CRY1: variants seen among roughly 807,000 people sequenced by gnomAD.
CRY1 encodes the protein cryptochrome circadian regulator 1, also known as cryptochrome-1.
In CRY1, 45 loss-of-function variants were observed where a neutral mutation model predicts 76.0. The observed-to-expected ratio is 0.59, with a 90% CI of 0.47 to 0.76. The LOEUF (loss-of-function observed/expected upper bound fraction) is 0.76, where lower values mean the gene tolerates loss of function less well. Among genes scored for constraint, CRY1 ranks in the 30% least tolerant of loss-of-function variants. CRY1 has a pLI of 0.00. For synonymous variants in CRY1, 248 were observed against 244.0 expected, an observed-to-expected ratio of 1.02 and a Z score of -0.15; for missense variants, 587 against 716.4, an observed-to-expected ratio of 0.82 and a Z score of 2.06.
Position 107,001,644 on chromosome 12 carries a change from T to C in CRY1, c.595+120A>G, listed in dbSNP as rs1236974062. The stretch of plus-strand genomic sequence containing the variant: ...TAAAGGGTTCTTTTTCTTCTCCCCC[T>C]GCCCTTTCTTTCTCTCCTAATGCAA... On this transcript the variant is annotated intron_variant, in intron 4 of 12. Transcript: ENST00000008527. 3.3e-5 allele frequency: 29 copies of C among 870,626 alleles called. No individual in the cohort carries two copies. In the East Asian group the frequency reaches 7.4e-4, roughly 22 times the overall value. The allele number at this position is 870,626 out of a possible 1,614,324, so 53.9% of individuals were successfully genotyped here.
intron 1 of CRY1, among the ~76,000 whole-genome samples, chr12:107,082,761 A>C (rs778148230): frequency 3.3e-4 from 50 of 152,290 alleles, no homozygotes; most frequent in Non-Finnish European, 4.7e-4. Flanking sequence ...TAAAATCGAC[A>C]CCCTAACATC....
intron 2 of CRY1, among the ~76,000 whole-genome samples, chr12:107,009,579 T>TATATATATATATATAC (rs1952419255): frequency 2.0e-5 from 1 of 50,088 alleles, no homozygotes; most frequent in Non-Finnish European, 3.3e-5. Context: ...TATATATATA[T>TATATATATATATATAC]ATATATATAT....
chr12:107,046,542 A>T (rs558205755), intron 1 of CRY1, among the ~76,000 whole-genome samples: 1 of 152,298 alleles, frequency 6.6e-6, no homozygotes, highest in Non-Finnish European at 1.5e-5. Flanking sequence ...ATCAGTAATA[A>T]CCTTGAATAA....
chr12:107,023,172 T>C (rs1952576619), intron 1 of CRY1, among the ~76,000 whole-genome samples: 1 of 152,162 alleles, frequency 6.6e-6, no homozygotes, highest in Non-Finnish European at 1.5e-5. Context: ...TAAGTATTTG[T>C]CTGCCTTTTT....
intron 3 of CRY1, among the ~76,000 whole-genome samples, chr12:107,003,950 C>T (rs1325931657): frequency 6.6e-6 from 1 of 151,474 alleles, no homozygotes; most frequent in Non-Finnish European, 1.5e-5. Context: ...GGATTACAGG[C>T]ACCCGCCACT....
At chr12:107,025,267 G>A (rs561166412) in intron 1 of CRY1, among the ~76,000 whole-genome samples, 22 of 152,226 alleles carry the variant, frequency 1.4e-4, no homozygotes, top group Admixed American at 8.5e-4. Flanking sequence ...GAAGAAAAAC[G>A]AGATACACTA....
At chr12:107,030,083 CT>C (rs1429387637) in intron 1 of CRY1, among the ~76,000 whole-genome samples, 3 of 152,136 alleles carry the variant, frequency 2.0e-5, no homozygotes, top group Admixed American at 6.5e-5. Flanking sequence ...CCACTTCCCA[CT>C]GTCCAATTCC....
intron 1 of CRY1, among the ~76,000 whole-genome samples, chr12:107,069,123 T>G (rs988600278): frequency 6.6e-6 from 1 of 152,162 alleles, no homozygotes; most frequent in Admixed American, 6.5e-5. Flanking sequence ...TTTGTGGAAA[T>G]GGCAAATTTT....
chr12:107,090,970 A>T (rs2136905740), intron 1 of CRY1, among the ~76,000 whole-genome samples: 1 of 152,216 alleles, frequency 6.6e-6, no homozygotes, highest in African/African-American at 2.4e-5. Flanking sequence ...AAATTTTCTC[A>T]AACAGTAACT....
At chr12:107,055,957 C>T (rs1412000591) in intron 1 of CRY1, among the ~76,000 whole-genome samples, 1 of 152,106 alleles carries the variant, frequency 6.6e-6, no homozygotes, top group African/African-American at 2.4e-5. Context: ...TCTAATTGGT[C>T]TAAACAAACA....
intron 10 of CRY1, among the ~76,000 whole-genome samples, chr12:106,994,201 G>C (rs1952209309): frequency 6.6e-6 from 1 of 152,120 alleles, no homozygotes; most frequent in African/African-American, 2.4e-5. Flanking sequence ...CTTTCAAATG[G>C]GGCAGAAACC....
intron 2 of CRY1, among the ~76,000 whole-genome samples, chr12:107,009,730 T>TCCC (rs1952422201): frequency 1.3e-5 from 2 of 151,106 alleles, no homozygotes; most frequent in Non-Finnish European, 1.5e-5. Context: ...GTAAATATAA[T>TCCC]GAGACCACAT....
intron 7 of CRY1, 27 bp downstream of exon 7, chr12:106,999,524 G>A: frequency 6.5e-7 from 1 of 1,548,928 alleles, no homozygotes; most frequent in East Asian, 2.3e-5. Context: ...TCAAAATAAG[G>A]CATGCTATAT....
intron 1 of CRY1, among the ~76,000 whole-genome samples, chr12:107,079,764 A>T (rs1953300516): frequency 6.6e-6 from 1 of 152,162 alleles, no homozygotes; most frequent in Non-Finnish European, 1.5e-5. Context: ...TCAGTGAAAT[A>T]ATCACCAGAG....
intron 3 of CRY1, 129 bp from the exon 4 acceptor site, chr12:107,002,077 T>A: frequency 1.4e-6 from 1 of 690,098 alleles, no homozygotes. Flanking sequence ...TGTTAGCTTG[T>A]TATAATGACC....
intron 1 of CRY1, among the ~76,000 whole-genome samples, chr12:107,042,599 T>TG (rs1273849582): frequency 9.6e-6 from 1 of 104,168 alleles, no homozygotes; most frequent in Non-Finnish European, 2.2e-5. Flanking sequence ...AATGATATAC[T>TG]GTATCTGAGT....
chr12:107,018,897 A>G (rs1489804185), intron 2 of CRY1, among the ~76,000 whole-genome samples: 1 of 152,224 alleles, frequency 6.6e-6, no homozygotes, highest in Non-Finnish European at 1.5e-5. Context: ...TATAAACAGA[A>G]TAAATTGAGT....
At position 107,077,117 on chromosome 12, in the gene CRY1, TCA is replaced by T. The variant is rs141441453; in HGVS notation, c.158+15685_158+15686del. On this transcript the variant is annotated intron_variant, in intron 1 of 12. Coordinates refer to ENST00000008527, the MANE Select transcript of CRY1 (RefSeq NM_004075.5). ...GAAGCATTCTAGAATTCCTCCTCTC[TCA>T]GTCTCATATCTCACACCCAGCACTC... Among the ~76,000 whole-genome samples, 400 of 151,980 alleles carry T rather than the reference TCA, an allele frequency of 2.6e-3. 8 individuals are homozygous for T. In the East Asian group the frequency reaches 0.06, roughly 23 times the overall value.
At chr12:106,994,540 G>C (rs1436866711) in intron 10 of CRY1, among the ~76,000 whole-genome samples, 1 of 152,074 alleles carries the variant, frequency 6.6e-6, no homozygotes, top group Non-Finnish European at 1.5e-5. Context: ...TACAAACTAT[G>C]TTACAGGCAA....
Sources: gnomAD v4.1 joint callset for allele counts (sites outside exome capture counted in the v4.1 genomes callset) on GRCh38, gnomAD v4.1.1 for gene constraint, MANE v1.5 for transcripts, NCBI Gene and HGNC (gene_info 2026-07-23, HGNC 2026-07-21) for gene names.